Variants in PRPF18 observed in about 807,000 individuals in gnomAD.
PRPF18 encodes pre-mRNA-splicing factor 18.
A neutral mutation model predicts 46.5 loss-of-function variants in PRPF18; 38 were observed. The observed-to-expected ratio is 0.82, with a 90% CI of 0.63 to 1.07. The LOEUF (loss-of-function observed/expected upper bound fraction) is 1.07. Among genes scored for constraint, PRPF18 ranks in the 50% least tolerant of loss-of-function variants. The pLI is 0.00. For synonymous variants in PRPF18, 152 were observed against 146.7 expected, an observed-to-expected ratio of 1.04 and a Z score of -0.26; for missense variants, 263 against 410.0, an observed-to-expected ratio of 0.64 and a Z score of 3.10.
intron 1 of PRPF18, chr10:13,591,923 T>C (rs1346421606): frequency 1.5e-6 from 2 of 1,355,012 alleles, no homozygotes; most frequent in Admixed American, 2.1e-5. Flanking sequence ...ACGTGTCAAC[T>C]GAGGGTTTTT....
In PRPF18 at chr10:13,625,441, G is replaced by A. The variant is rs146646223; in HGVS notation, c.949-4819G>A. Among the ~76,000 whole-genome samples the A allele has an allele frequency of 3.5e-3, 529 of 152,308 alleles. 6 individuals are homozygous for A. Among genetic ancestry groups the A allele is most frequent in the African/African-American group, 0.012 (502 of 41,548 alleles). ...AAAAATTTAAATCAGCAAAAATTTA[G>A]TAATTACATTAGTGGGTTAGAAGAT... On this transcript the variant is annotated intron_variant, in intron 9 of 9. Coordinates refer to ENST00000378572, the MANE Select transcript of PRPF18 (RefSeq NM_003675.4).
the PRPF18 span, among the ~76,000 whole-genome samples, chr10:13,650,901 G>C: frequency 6.6e-6 from 1 of 152,010 alleles, no homozygotes; most frequent in Non-Finnish European, 1.5e-5. Context: ...GAACTCGAAA[G>C]TGACCCCCTC....
At chr10:13,603,289 G>A (rs571751999) in intron 3 of PRPF18, among the ~76,000 whole-genome samples, 3 of 152,112 alleles carry the variant, frequency 2.0e-5, no homozygotes, top group Non-Finnish European at 2.9e-5. Context: ...GTCATTTTTT[G>A]GGGGAGGTGG....
At chr10:13,614,657 A>G (rs1196041218) in intron 8 of PRPF18, among the ~76,000 whole-genome samples, 4 of 152,154 alleles carry the variant, frequency 2.6e-5, no homozygotes, top group Non-Finnish European at 5.9e-5. Context: ...CCCAGTGTCT[A>G]TACTCCTGAA....
At chr10:13,606,175 A>G (rs895017840) in intron 4 of PRPF18, among the ~76,000 whole-genome samples, 1 of 152,146 alleles carries the variant, frequency 6.6e-6, no homozygotes, top group Admixed American at 6.5e-5. Flanking sequence ...AAATTTCCCC[A>G]GTACCCCTTC....
chr10:13,628,866 G>A (rs139508517), intron 9 of PRPF18, among the ~76,000 whole-genome samples: 17 of 152,296 alleles, frequency 1.1e-4, no homozygotes, highest in East Asian at 1.9e-4. Flanking sequence ...TCCCAAGATC[G>A]TTTTGGAGAG....
intron 4 of PRPF18, among the ~76,000 whole-genome samples, chr10:13,609,435 G>C (rs572082449): frequency 3.3e-4 from 50 of 152,246 alleles, no homozygotes; most frequent in African/African-American, 1.2e-3. Context: ...CCCTATAGCC[G>C]CCTCACAGCC....
chr10:13,609,982 A>T, intron 4 of PRPF18, 57 bp from the exon 5 acceptor site: 1 of 1,483,828 alleles, frequency 6.7e-7, no homozygotes, highest in South Asian at 1.2e-5. Flanking sequence ...TCAAAGGTGA[A>T]AAAACAGGTG....
At chr10:13,609,965 T>C in intron 4 of PRPF18, 74 bp from the exon 5 acceptor site, 1 of 1,432,416 alleles carries the variant, frequency 7.0e-7, no homozygotes, top group Non-Finnish European at 9.5e-7. Flanking sequence ...CAGTTATTAA[T>C]GAAAAATCAA....
chr10:13,592,435 G>T lies in PRPF18; in HGVS notation c.67-5023G>T, dbSNP rs975046381. ...ATCTGTAGCTGGAAAACAGTTGTCT[G>T]TGTGGTGTTGCTCTTGCAGAAAGAA... On this transcript the variant is annotated intron_variant, in intron 1 of 9. Transcript: ENST00000378572. The T allele has an allele frequency of 6.0e-5, 12 of 199,448 alleles. No homozygotes were observed. In the East Asian group the frequency reaches 9.1e-4, roughly 15 times the overall value. 12.4% of individuals were successfully genotyped at this position (199,448 alleles called of 1,614,324 possible).
intron 9 of PRPF18, among the ~76,000 whole-genome samples, chr10:13,617,421 A>G (rs2080360798): frequency 6.6e-6 from 1 of 152,242 alleles, no homozygotes. Flanking sequence ...TTTTTAAAAT[A>G]TGATTTCAAT....
the PRPF18 span, chr10:13,652,845 G>C: frequency 6.6e-6 from 1 of 152,240 alleles, no homozygotes; most frequent in Non-Finnish European, 1.5e-5. Flanking sequence ...TTGTGTTACA[G>C]GTAAGCCCGA....
the PRPF18 span, chr10:13,651,930 G>A: frequency 6.3e-7 from 1 of 1,593,920 alleles, no homozygotes; most frequent in Non-Finnish European, 8.6e-7. Flanking sequence ...TTGGTGAGGT[G>A]GAGACTCAGA....
At chr10:13,627,330 C>T (rs759530243) in intron 9 of PRPF18, among the ~76,000 whole-genome samples, 8 of 152,160 alleles carry the variant, frequency 5.3e-5, no homozygotes, top group Non-Finnish European at 8.8e-5. Context: ...TTCTTCGCTA[C>T]TGTATTTCCA....
chr10:13,597,354 A>C, intron 1 of PRPF18, 104 bp from the exon 2 acceptor site: 1 of 749,968 alleles, frequency 1.3e-6, no homozygotes, highest in South Asian at 2.1e-5. Context: ...AATTCTTGAA[A>C]AACTGAAGAG....
intron 1 of PRPF18, among the ~76,000 whole-genome samples, chr10:13,590,328 G>C (rs188290671): frequency 6.6e-6 from 1 of 151,446 alleles, no homozygotes; most frequent in Non-Finnish European, 1.5e-5. Flanking sequence ...ACATTCGGCC[G>C]GGCGCGGTGG....
chr10:13,588,290 C>G (rs1248702458), intron 1 of PRPF18, among the ~76,000 whole-genome samples: 2 of 152,052 alleles, frequency 1.3e-5, no homozygotes, highest in African/African-American at 4.8e-5. Flanking sequence ...GCCTGTAATC[C>G]CAGCTACTCA....
chr10:13,653,087 A>G, the PRPF18 span: 1 of 152,190 alleles, frequency 6.6e-6, no homozygotes, highest in African/African-American at 2.4e-5. Flanking sequence ...GATGATGAGG[A>G]TTGTATGAGC....
At chr10:13,630,058 T>C (rs1181044730) in intron 9 of PRPF18, among the ~76,000 whole-genome samples, 2 of 152,224 alleles carry the variant, frequency 1.3e-5, no homozygotes, top group African/African-American at 4.8e-5. Flanking sequence ...GTTTTGTTAT[T>C]GTGAACAGTT....
Sources: gnomAD v4.1 joint callset for allele counts (sites outside exome capture counted in the v4.1 genomes callset) on GRCh38, gnomAD v4.1.1 for gene constraint, MANE v1.5 for transcripts, NCBI Gene and HGNC (gene_info 2026-07-23, HGNC 2026-07-21) for gene names.